PTP4A3: variants seen among roughly 807,000 people sequenced by gnomAD.
PTP4A3 encodes the protein protein tyrosine phosphatase type IVA 3.
In PTP4A3, 9 loss-of-function variants were observed where a neutral mutation model predicts 15.2. The ratio of observed to expected loss-of-function variants is 0.59; its 90% CI spans 0.36 to 1.03. PTP4A3 has a LOEUF of 1.03. PTP4A3 is among the 50% of genes least tolerant of loss of function. The pLI is 0.02. For missense variants in PTP4A3, 234 were observed against 252.1 expected, an observed-to-expected ratio of 0.93 and a Z score of 0.49; for synonymous variants, 95 against 102.0, an observed-to-expected ratio of 0.93 and a Z score of 0.41.
intron 1 of PTP4A3, among the ~76,000 whole-genome samples, chr8:141,394,648 G>T (rs1184821354): frequency 6.6e-6 from 1 of 152,202 alleles, no homozygotes; most frequent in Non-Finnish European, 1.5e-5. Flanking sequence ...AGGTCTTCCT[G>T]GCAGGACAGT....
chr8:141,404,642 G>A (rs1374315970), intron 1 of PTP4A3, among the ~76,000 whole-genome samples: 3 of 152,170 alleles, frequency 2.0e-5, no homozygotes, highest in Admixed American at 6.5e-5. Flanking sequence ...CAGAATGGAC[G>A]GGTCCTTGGG....
chr8:141,392,244 A>G (rs976814798), intron 1 of PTP4A3, among the ~76,000 whole-genome samples, 160 bp downstream of exon 1: 1 of 151,528 alleles, frequency 6.6e-6, no homozygotes, highest in Non-Finnish European at 1.5e-5. Flanking sequence ...GCGTCCCGGG[A>G]CCCTGCGCCT....
rs1833522852 is a variant in PTP4A3, at chr8:141,425,401, T to C, written c.198+261T>C. On this transcript the variant is annotated intron_variant, in intron 3 of 5. Coordinates refer to ENST00000521578, the MANE Select transcript of PTP4A3 (RefSeq NM_032611.3). The surrounding 1 kb of genome is among the most constrained non-coding windows in gnomAD (Gnocchi z 4.2). ...CGGTTCGCCAGGCAGGGGTGGCACA[T>C]GCTTGGTGCATCGGCCAAGGTGGCG... Among the ~76,000 whole-genome samples the C allele has an allele frequency of 6.6e-6, 1 of 152,078 alleles. No homozygotes were observed. The highest frequency in any genetic ancestry group is 1.5e-5 in the Non-Finnish European group (1 of 67,980).
intron 1 of PTP4A3, among the ~76,000 whole-genome samples, chr8:141,407,118 CA>C (rs1832749669): frequency 6.6e-6 from 1 of 152,196 alleles, no homozygotes; most frequent in African/African-American, 2.4e-5. Flanking sequence ...CCTCCCTTGG[CA>C]GCCTGGCACA....
intron 1 of PTP4A3, among the ~76,000 whole-genome samples, chr8:141,414,423 G>A (rs574935563): frequency 6.6e-6 from 1 of 152,098 alleles, no homozygotes; most frequent in South Asian, 2.1e-4. Context: ...TGGGGCAGGG[G>A]AGGTTCACTC....
In PTP4A3 at chr8:141,431,066, G is replaced by A. The variant is rs766636932; in HGVS notation, c.*22G>A. Reference sequence around the variant, plus strand: ...GTAGCTCAGGACCTTGGCTGGGCCTGGTCGTCATGTAGGTCAGGACCTTGG... The same window carrying A: ...GTAGCTCAGGACCTTGGCTGGGCCTAGTCGTCATGTAGGTCAGGACCTTGG... On this transcript the variant is annotated 3_prime_UTR_variant, in exon 6 of 6. Coordinates refer to ENST00000521578, the MANE Select transcript of PTP4A3 (RefSeq NM_032611.3). The A allele has an allele frequency of 1.5e-5, 24 of 1,609,846 alleles. No homozygotes were observed. The highest frequency in any genetic ancestry group is 5.0e-5 in the Admixed American group (3 of 59,976).
rs1017017517 is a variant in PTP4A3, at chr8:141,394,306, A to G, written c.-854+2222A>G. The stretch of plus-strand genomic sequence containing the variant: ...GGCCTGGGGCTGGCAGATAGTGGTG[A>G]TTTTTCGCCCCCCAAGACCTTGGGC... On this transcript the variant is annotated intron_variant, in intron 1 of 5. Coordinates refer to ENST00000521578, the MANE Select transcript of PTP4A3 (RefSeq NM_032611.3). Among the ~76,000 whole-genome samples the G allele has an allele frequency of 1.1e-4, 17 of 151,962 alleles. No individual in the cohort carries two copies. The East Asian group carries it at 1.5e-3, about 14-fold the overall frequency.
In PTP4A3 at chr8:141,431,267, C is replaced by T; in HGVS notation, c.*223C>T. On this transcript the variant is annotated 3_prime_UTR_variant, in exon 6 of 6. Transcript: ENST00000521578. ...GGCCCTTTCTCCTGTCTCCGCCACT[C>T]CCTCTGGCGGCGCTGGCCGTGGCTC... 1.7e-6 allele frequency: 1 copy of T among 575,040 alleles called. No individual in the cohort carries two copies. The highest frequency in any genetic ancestry group is 2.9e-5 in the East Asian group (1 of 34,378). 35.6% of individuals were successfully genotyped at this position (575,040 alleles called of 1,614,324 possible).
At chr8:141,402,120 G>T (rs564764209) in intron 1 of PTP4A3, among the ~76,000 whole-genome samples, 3 of 152,312 alleles carry the variant, frequency 2.0e-5, no homozygotes, top group Admixed American at 6.5e-5. Context: ...CCAGCAGAGG[G>T]TGCAGCCTCT....
Position 141,422,197 on chromosome 8 carries a change from T to C in PTP4A3, c.-44T>C. The C allele has an allele frequency of 6.2e-7, 1 of 1,600,948 alleles. No individual in the cohort carries two copies. The highest frequency in any genetic ancestry group is 8.5e-7 in the Non-Finnish European group (1 of 1,169,702). On this transcript the variant is annotated 5_prime_UTR_variant, in exon 2 of 6. Transcript: ENST00000521578. ...ACTTCTCAGGTCGTGTCCCCAGCCT[T>C]CTCTGCAGTCCCTTCTGCCCTGCCG...
chr8:141,425,627 G>A lies in PTP4A3; in HGVS notation c.198+487G>A, dbSNP rs1196972621. On this transcript the variant is annotated intron_variant, in intron 3 of 5. Transcript: ENST00000521578. The surrounding 1 kb of genome is among the most constrained non-coding windows in gnomAD (Gnocchi z 4.2). ...GCGGTTCTGCTGCGATATCCTTGGG[G>A]GGGTGGGCCACAGCAGCTGCAGGCC... 6.6e-6 allele frequency among the ~76,000 whole-genome samples: 1 copy of A among 151,664 alleles called. No individual in the cohort carries two copies. Among genetic ancestry groups the A allele is most frequent in the Non-Finnish European group, 1.5e-5 (1 of 67,784 alleles).
chr8:141,425,583 G>C lies in PTP4A3; in HGVS notation c.198+443G>C, dbSNP rs1484641430. Among the ~76,000 whole-genome samples the C allele has an allele frequency of 2.2e-5, 3 of 138,248 alleles. No homozygotes were observed. In the East Asian group the frequency reaches 7.6e-4, roughly 35 times the overall value. 90.7% of individuals were successfully genotyped at this position (138,248 alleles called of 152,430 possible). A position where few individuals can be genotyped will look rare whatever the true frequency, so the allele number is the denominator to read the frequency against. ...CGGCTTCTTTGGCCCTGGGGACCCA[G>C]GTCTGGGCGGGGGGTGGGGCGGTTC... is the stretch of plus-strand genomic sequence containing the variant. On this transcript the variant is annotated intron_variant, in intron 3 of 5. Coordinates refer to ENST00000521578, the MANE Select transcript of PTP4A3 (RefSeq NM_032611.3). This position sits in a 1 kb window ranked among gnomAD's most constrained non-coding sequence, Gnocchi z 4.2.
chr8:141,403,771 C>T (rs1046364880), intron 1 of PTP4A3, among the ~76,000 whole-genome samples: 7 of 152,262 alleles, frequency 4.6e-5, no homozygotes, highest in South Asian at 2.1e-4. Context: ...ACACATCTCA[C>T]GGCAACCATG....
intron 1 of PTP4A3, among the ~76,000 whole-genome samples, chr8:141,407,816 C>T (rs59428797): frequency 0.029 from 4,418 of 152,294 alleles, 155 homozygotes; most frequent in African/African-American, 0.079. Flanking sequence ...ATCCACCTGC[C>T]TCAGCCTCCC....
Position 141,397,334 on chromosome 8 carries a change from T to G in PTP4A3, c.-854+5250T>G, listed in dbSNP as rs570295646. ...ACAGGCTCCAGGCAGTGGGGGGCTC[T>G]CTGAAGGAGGTCCCAGTGACCTGAA... On this transcript the variant is annotated intron_variant, in intron 1 of 5. Coordinates refer to ENST00000521578, the MANE Select transcript of PTP4A3 (RefSeq NM_032611.3). Among the ~76,000 whole-genome samples, 4 of 152,116 alleles carry G rather than the reference T, an allele frequency of 2.6e-5. No homozygotes were observed. The South Asian group carries it at 8.3e-4, about 32-fold the overall frequency.
chr8:141,424,991 C>G, intron 2 of PTP4A3, 57 bp from the exon 3 acceptor site: 2 of 1,448,738 alleles, frequency 1.4e-6, no homozygotes, highest in Non-Finnish European at 1.9e-6. Context: ...GTGGGTCCTG[C>G]CCCCTGAGCC....
Position 141,431,174 on chromosome 8 carries a change from C to A in PTP4A3, c.*130C>A, listed in dbSNP as rs989611297. 1.2e-4 allele frequency: 97 copies of A among 832,028 alleles called. 1 individual carries two copies. The highest frequency in any genetic ancestry group is 1.4e-5 in the Non-Finnish European group (7 of 511,782). The allele number at this position is 832,028 out of a possible 1,614,324, so 51.5% of individuals were successfully genotyped here. On this transcript the variant is annotated 3_prime_UTR_variant, in exon 6 of 6. Transcript: ENST00000521578. Reference sequence around the variant, plus strand: ...CTTGGCTGGCCCCACATCGCCTTTTCCTCCCCGACACCTCCGTGCACTTGT... The same window carrying A: ...CTTGGCTGGCCCCACATCGCCTTTTACTCCCCGACACCTCCGTGCACTTGT...
chr8:141,420,299 C>T (rs528072316), intron 1 of PTP4A3, among the ~76,000 whole-genome samples: 51 of 152,124 alleles, frequency 3.4e-4, no homozygotes, highest in Non-Finnish European at 6.6e-4. Flanking sequence ...GCCAGCAGTG[C>T]GGGGACCCCT....
At chr8:141,426,911 G>T (rs1161858971) in intron 3 of PTP4A3, 28 bp from the exon 4 acceptor site, 2 of 1,605,044 alleles carry the variant, frequency 1.2e-6, no homozygotes, top group African/African-American at 2.7e-5. Flanking sequence ...CCTCAGCCGG[G>T]GGTCCTCATG....
Sources: allele counts gnomAD v4.1 joint callset (sites outside exome capture counted in the v4.1 genomes callset), GRCh38; gene constraint gnomAD v4.1.1; non-coding constraint Gnocchi (gnomAD v3.1); transcripts MANE v1.5; gene names NCBI Gene and HGNC (gene_info 2026-07-23, HGNC 2026-07-21).